Variants in VGLL4 observed in about 807,000 individuals in gnomAD.
The protein encoded by VGLL4 is transcription cofactor vestigial-like protein 4.
In VGLL4, 7 loss-of-function variants were observed where a neutral mutation model predicts 21.0. The ratio of observed to expected loss-of-function variants is 0.33; its 90% confidence interval spans 0.19 to 0.63. The LOEUF is 0.63. Ranked by LOEUF, VGLL4 falls within the 20% of genes least tolerant of loss-of-function variation. VGLL4 has a pLI of 0.78. For missense variants in VGLL4, 394 were observed against 425.7 expected, an observed-to-expected ratio of 0.93 and a Z score of 0.66; for synonymous variants, 222 against 173.2, an observed-to-expected ratio of 1.28 and a Z score of -2.21.
At position 11,561,672 on chromosome 3, in the gene VGLL4, C is replaced by G. The variant is rs570023909; in HGVS notation, c.496-2217G>C. 5.3e-5 allele frequency among the ~76,000 whole-genome samples: 8 copies of G among 152,256 alleles called. No individual in the cohort carries two copies. The South Asian group carries it at 6.2e-4, about 12-fold the overall frequency. On this transcript the variant is annotated intron_variant, in intron 3 of 4. Transcript: ENST00000430365. ...ATGGGATCCCGAGGCTCCCCTCCCCCACACCCTTATTTTCCAGATGGGGAA... is the reference window on the plus strand; with the variant it reads ...ATGGGATCCCGAGGCTCCCCTCCCCGACACCCTTATTTTCCAGATGGGGAA...
chr3:11,673,279 A>G (rs1220936486), intron 2 of VGLL4, among the ~76,000 whole-genome samples: 2 of 152,226 alleles, frequency 1.3e-5, no homozygotes, highest in African/African-American at 4.8e-5. Context: ...CCTCAGAATT[A>G]CAGTATCCAT....
intron 2 of VGLL4, among the ~76,000 whole-genome samples, chr3:11,567,562 CT>C: frequency 6.6e-6 from 1 of 152,172 alleles, no homozygotes; most frequent in Middle Eastern, 3.2e-3. Context: ...TACTAAAAAC[CT>C]TAATACTGAA....
In VGLL4 at chr3:11,625,681, C is replaced by T. The variant is rs1043022591; in HGVS notation, c.82+17756G>A. Among the ~76,000 whole-genome samples the T allele has an allele frequency of 4.6e-5, 7 of 151,970 alleles. No homozygotes were observed. The East Asian group carries it at 1.2e-3, about 25-fold the overall frequency. ...TAGTCTGTGTAACTGCTCAACCCAACCTTTATCCAGGAGCTAGTATTGCTT... is the reference window on the plus strand; with the variant it reads ...TAGTCTGTGTAACTGCTCAACCCAATCTTTATCCAGGAGCTAGTATTGCTT... On this transcript the variant is annotated intron_variant, in intron 1 of 4. Transcript: ENST00000430365.
intron 1 of VGLL4, chr3:11,611,477 T>C (rs2125285423): frequency 6.6e-6 from 1 of 152,294 alleles, no homozygotes; most frequent in Admixed American, 6.5e-5. Flanking sequence ...AATGAGTTAA[T>C]ACATTTCTGT....
intron 1 of VGLL4, among the ~76,000 whole-genome samples, chr3:11,627,946 G>A (rs766173088): frequency 2.0e-5 from 3 of 152,198 alleles, no homozygotes; most frequent in Non-Finnish European, 4.4e-5. Flanking sequence ...CTAGTGCATA[G>A]GAGGATTACT....
chr3:11,631,431 T>C (rs2075475326), intron 1 of VGLL4, among the ~76,000 whole-genome samples: 1 of 152,092 alleles, frequency 6.6e-6, no homozygotes, highest in South Asian at 2.1e-4. Context: ...CAAATCTGAG[T>C]TTTTTGTCCT....
At chr3:11,585,996 C>T (rs1422436336) in intron 2 of VGLL4, among the ~76,000 whole-genome samples, 6 of 152,164 alleles carry the variant, frequency 3.9e-5, no homozygotes, top group Admixed American at 6.5e-5. Context: ...GTCCCCTCTT[C>T]CCATGAAAGC....
chr3:11,681,772 T>C (rs549363927), intron 2 of VGLL4, among the ~76,000 whole-genome samples: 74 of 152,216 alleles, frequency 4.9e-4, no homozygotes, highest in African/African-American at 1.6e-3. Context: ...AGGAAACACA[T>C]GCTAAGGATG....
At chr3:11,610,503 A>G (rs1487359210) in intron 1 of VGLL4, 1 of 152,144 alleles carries the variant, frequency 6.6e-6, no homozygotes, top group Non-Finnish European at 1.5e-5. Flanking sequence ...CTCTCATACT[A>G]TAATGCTCTG....
chr3:11,581,684 G>C (rs1195016075), intron 2 of VGLL4, among the ~76,000 whole-genome samples: 2 of 152,216 alleles, frequency 1.3e-5, no homozygotes, highest in Non-Finnish European at 2.9e-5. Flanking sequence ...AGGGACTCAA[G>C]TACAATTTCC....
At chr3:11,652,333 T>C (rs2075884752) in intron 2 of VGLL4, among the ~76,000 whole-genome samples, 1 of 152,216 alleles carries the variant, frequency 6.6e-6, no homozygotes, top group Admixed American at 6.5e-5. Context: ...TCAATTAAAT[T>C]GATGCCAAGT....
intron 1 of VGLL4, among the ~76,000 whole-genome samples, chr3:11,625,115 G>A (rs2075328872): frequency 6.6e-6 from 1 of 152,192 alleles, no homozygotes; most frequent in African/African-American, 2.4e-5. Context: ...AACTTCTAAA[G>A]GTTTCTCTCT....
chr3:11,607,052 C>CAA (rs1247921799), intron 1 of VGLL4: 2 of 152,240 alleles, frequency 1.3e-5, no homozygotes, highest in East Asian at 3.9e-4. Flanking sequence ...TGATGAAACA[C>CAA]AGAGTTACCA....
rs928973361 is a variant in VGLL4, at chr3:11,565,164, T to C, written c.273-145A>G. 7.7e-5 allele frequency: 65 copies of C among 847,660 alleles called. No individual in the cohort carries two copies. In the Admixed American group the frequency reaches 2.7e-3, roughly 35 times the overall value. The allele number at this position is 847,660 out of a possible 1,614,324, so 52.5% of individuals were successfully genotyped here. On this transcript the variant is annotated intron_variant, in intron 2 of 4. Coordinates refer to ENST00000430365, the MANE Select transcript of VGLL4 (RefSeq NM_001128219.3). This position sits in a 1 kb window ranked among gnomAD's most constrained non-coding sequence, Gnocchi z 4.1. ...GCTGGGCAGCACGATGAGGAGCCGGTTGCCAGCCCGGGTCAGCCGGACACC... is the reference window on the plus strand; with the variant it reads ...GCTGGGCAGCACGATGAGGAGCCGGCTGCCAGCCCGGGTCAGCCGGACACC...
intron 2 of VGLL4, among the ~76,000 whole-genome samples, chr3:11,590,152 G>A (rs1369177092): frequency 6.6e-6 from 1 of 152,200 alleles, no homozygotes; most frequent in Non-Finnish European, 1.5e-5. Context: ...AGAGAAGAGT[G>A]TTTTGAGACA....
chr3:11,579,173 A>G (rs899378167), intron 2 of VGLL4, among the ~76,000 whole-genome samples: 4 of 150,550 alleles, frequency 2.7e-5, no homozygotes, highest in African/African-American at 7.3e-5. Context: ...GCTACGCTCC[A>G]TCTTTCCAAA....
At chr3:11,649,570 T>C (rs1372230775) in intron 2 of VGLL4, among the ~76,000 whole-genome samples, 9 of 152,222 alleles carry the variant, frequency 5.9e-5, no homozygotes, top group Admixed American at 4.6e-4. Context: ...GTATATCTTA[T>C]TATAGCTTAC....
At chr3:11,652,741 G>A (rs956214601) in intron 2 of VGLL4, among the ~76,000 whole-genome samples, 4 of 152,154 alleles carry the variant, frequency 2.6e-5, no homozygotes, top group African/African-American at 9.7e-5. Flanking sequence ...AAATCAGTGC[G>A]AGGGAAGGGA....
In VGLL4 at chr3:11,661,357, A is replaced by G. The variant is rs558094957; in HGVS notation, c.64+41614T>C. ...GGAAGGAAAGGAATATTGCCAAGAA[A>G]AGGTCAATGAAGACACACCAGACAG... On this transcript the variant is annotated intron_variant, in intron 2 of 5. Transcript: ENST00000273038. Among the ~76,000 whole-genome samples the G allele has an allele frequency of 2.0e-5, 3 of 152,342 alleles. No individual in the cohort carries two copies. In the East Asian group the frequency reaches 5.8e-4, roughly 29 times the overall value.
Sources: gnomAD v4.1 joint callset for allele counts (sites outside exome capture counted in the v4.1 genomes callset) on GRCh38, gnomAD v4.1.1 for gene constraint, Gnocchi (gnomAD v3.1) non-coding constraint, MANE v1.5 for transcripts, NCBI Gene and HGNC (gene_info 2026-07-23, HGNC 2026-07-21) for gene names.